The following UBR3 variants were observed in gnomAD, a reference collection of about 807,000 sequenced individuals.
UBR3 encodes the protein E3 ubiquitin-protein ligase UBR3.
A neutral mutation model predicts 243.2 loss-of-function variants in UBR3; 85 were observed. The ratio of observed to expected loss-of-function variants is 0.35; its 90% confidence interval spans 0.29 to 0.42. The LOEUF (loss-of-function observed/expected upper bound fraction) is 0.42. Among genes scored for constraint, UBR3 ranks in the 10% least tolerant of loss-of-function variants. UBR3 has a pLI of 1.00. For missense variants in UBR3, 1,686 were observed against 2,300.8 expected, an observed-to-expected ratio of 0.73 and a Z score of 5.47; for synonymous variants, 748 against 799.8, an observed-to-expected ratio of 0.94 and a Z score of 1.09.
chr2:169,905,984 G>A (rs1054949070), intron 9 of UBR3, 47 bp from the exon 10 acceptor site: 2 of 1,536,330 alleles, frequency 1.3e-6, no homozygotes, highest in African/African-American at 1.4e-5. Flanking sequence ...TAACATGAAT[G>A]TGTGCTTCCA....
At chr2:170,068,374 A>G (rs1345119127) in intron 35 of UBR3, among the ~76,000 whole-genome samples, 1 of 152,142 alleles carries the variant, frequency 6.6e-6, no homozygotes, top group African/African-American at 2.4e-5. Context: ...AGGCTGAGGC[A>G]GGAGAATCAC....
At chr2:169,997,143 A>AT (rs1195804486) in intron 26 of UBR3, among the ~76,000 whole-genome samples, 1 of 140,176 alleles carries the variant, frequency 7.1e-6, no homozygotes, top group African/African-American at 2.5e-5. Context: ...TTTAGACTTT[A>AT]TTTTTTTGTC....
intron 36 of UBR3, among the ~76,000 whole-genome samples, chr2:170,077,043 C>T (rs547512175): frequency 6.6e-6 from 1 of 152,294 alleles, no homozygotes; most frequent in African/African-American, 2.4e-5. Context: ...GCAGAAGAGT[C>T]CGGAATAGCA....
At chr2:170,065,388 G>T (rs2091540461) in intron 35 of UBR3, among the ~76,000 whole-genome samples, 1 of 152,080 alleles carries the variant, frequency 6.6e-6, no homozygotes, top group African/African-American at 2.4e-5. Context: ...CTGGGTTCAA[G>T]CAATTCTTGT....
intron 18 of UBR3, 107 bp downstream of exon 18, chr2:169,928,975 T>A (rs2086013534): frequency 1.0e-6 from 1 of 976,686 alleles, no homozygotes; most frequent in South Asian, 4.3e-5. Context: ...CAAGCTTTGG[T>A]TTTCTTTTCT....
At chr2:170,008,165 TATTTCACCTTCATAAAAAAAA>T (rs1352907555) in intron 28 of UBR3, among the ~76,000 whole-genome samples, 1 of 152,198 alleles carries the variant, frequency 6.6e-6, no homozygotes, top group African/African-American at 2.4e-5. Context: ...ATTCTTAAAA[TATTTCACCTTCATAAAAAAAA>T]ATTTCACCTT....
At chr2:169,881,955 T>C (rs147162851) in intron 5 of UBR3, among the ~76,000 whole-genome samples, 7,268 of 101,010 alleles carry the variant, frequency 0.072, 265 homozygotes, top group Non-Finnish European at 0.11. Flanking sequence ...CATATGTATG[T>C]ATACATACAT....
chr2:169,904,009 C>G (rs1019976125), intron 8 of UBR3, among the ~76,000 whole-genome samples: 4 of 152,126 alleles, frequency 2.6e-5, no homozygotes, highest in African/African-American at 9.7e-5. Flanking sequence ...AATAGCACAT[C>G]TATAAAGCAT....
At chr2:169,969,383 T>C (rs1232739085) in intron 24 of UBR3, among the ~76,000 whole-genome samples, 2 of 152,074 alleles carry the variant, frequency 1.3e-5, no homozygotes, top group African/African-American at 4.8e-5. Flanking sequence ...GAGATAAGGG[T>C]CTAGTTTCAT....
intron 4 of UBR3, 91 bp from the exon 5 acceptor site, chr2:169,878,434 G>A: frequency 7.7e-7 from 1 of 1,296,636 alleles, no homozygotes; most frequent in Non-Finnish European, 1.1e-6. Context: ...ACAAAACTTA[G>A]CTTTTTGATA....
chr2:170,048,760 AG>A (rs2091149227), intron 32 of UBR3, among the ~76,000 whole-genome samples: 1 of 152,234 alleles, frequency 6.6e-6, no homozygotes, highest in African/African-American at 2.4e-5. Context: ...TAAAAAGGAA[AG>A]GAAAAAAATT....
chr2:170,069,648 G>A (rs1170687788), intron 35 of UBR3, among the ~76,000 whole-genome samples: 1 of 151,972 alleles, frequency 6.6e-6, no homozygotes, highest in African/African-American at 2.4e-5. Context: ...TAAGATTCCA[G>A]TGTGAGATCA....
chr2:170,040,930 T>A lies in UBR3; in HGVS notation c.4605T>A (p.Asp1535Glu). Reference sequence around the variant, plus strand: ...CTGAGGTTCCAATTCTTTATCATGATGTAACATCCCTTTTGCTCATCCAGA... The same window carrying A: ...CTGAGGTTCCAATTCTTTATCATGAAGTAACATCCCTTTTGCTCATCCAGA... Reference protein sequence around the residue: ...QQPEVPILYHDVTSLLLIQIL... With the variant: ...QQPEVPILYHEVTSLLLIQIL... The change falls in exon 32 of 39, where the codon GAT becomes GAA. Residue 1535 changes from aspartate (D) to glutamate (E), a missense_variant. By Grantham distance (45) the Asp-to-Glu change is conservative. Transcript: ENST00000272793. 1 of 1,613,566 alleles carries A rather than the reference T, an allele frequency of 6.2e-7. No individual in the cohort carries two copies. Among genetic ancestry groups the A allele is most frequent in the Non-Finnish European group, 8.5e-7 (1 of 1,179,730 alleles).
At chr2:169,942,666 C>A in intron 20 of UBR3, 32 bp downstream of exon 20, 1 of 1,460,966 alleles carries the variant, frequency 6.8e-7, no homozygotes, top group African/African-American at 1.4e-5. Context: ...AAAGACTAAG[C>A]TTAGAATTTA....
intron 1 of UBR3, among the ~76,000 whole-genome samples, chr2:169,840,472 C>T (rs2082255291): frequency 6.6e-6 from 1 of 152,196 alleles, no homozygotes; most frequent in South Asian, 2.1e-4. Flanking sequence ...CCACACTGTA[C>T]CTCTCACCGG....
At chr2:169,942,706 T>C (rs1244303013) in intron 20 of UBR3, 72 bp downstream of exon 20, 1 of 1,358,344 alleles carries the variant, frequency 7.4e-7, no homozygotes, top group East Asian at 2.7e-5. Flanking sequence ...AAGGATAATA[T>C]TTACATAAAA....
chr2:170,031,225 G>A (rs2090659061), intron 31 of UBR3, among the ~76,000 whole-genome samples: 1 of 152,084 alleles, frequency 6.6e-6, no homozygotes, highest in Admixed American at 6.6e-5. Context: ...GATTACCGGT[G>A]CGCACCACTG....
At position 169,928,619 on chromosome 2, in the gene UBR3, A is replaced by G. The variant is rs898849; in HGVS notation, c.2425-108A>G. On this transcript the variant is annotated intron_variant, in intron 17 of 38. Transcript: ENST00000272793. ...CTTGTGGCCAGCTTTGTATATTACA[A>G]CCAATTACTATTTGTCTACTTCAGC... 0.99 allele frequency: 810,994 copies of G among 816,474 alleles called. 402,980 individuals are homozygous for G. Among genetic ancestry groups the G allele is most frequent in the East Asian group, 1 (36,647 of 36,648 alleles). 50.6% of individuals were successfully genotyped at this position (816,474 alleles called of 1,614,324 possible).
At chr2:169,870,224 A>G (rs926480143) in intron 1 of UBR3, among the ~76,000 whole-genome samples, 2 of 152,164 alleles carry the variant, frequency 1.3e-5, no homozygotes, top group South Asian at 2.1e-4. Flanking sequence ...TCTTTCCACT[A>G]TATTGATTTG....
Sources: gnomAD v4.1 joint callset for allele counts (sites outside exome capture counted in the v4.1 genomes callset) on GRCh38, gnomAD v4.1.1 for gene constraint, MANE v1.5 for transcripts, NCBI Gene and HGNC (gene_info 2026-07-23, HGNC 2026-07-21) for gene names.